Variants in ATP8B1 observed in about 807,000 individuals in gnomAD.
ATP8B1 encodes ATPase phospholipid transporting 8B1.
A neutral mutation model predicts 149.9 loss-of-function variants in ATP8B1; 80 were observed. The observed-to-expected ratio is 0.53, with a 90% CI of 0.45 to 0.64. The LOEUF (loss-of-function observed/expected upper bound fraction) is 0.64, where lower values mean the gene tolerates loss of function less well. Ranked by LOEUF, ATP8B1 falls within the 30% of genes least tolerant of loss-of-function variation. ATP8B1 has a pLI of 0.00. For synonymous variants in ATP8B1, 536 were observed against 562.8 expected (o/e 0.95, Z 0.67); for missense variants, 1,247 against 1,552.6 (o/e 0.80, Z 3.31).
intron 24 of ATP8B1, among the ~76,000 whole-genome samples, chr18:57,653,301 T>TC (rs1374022168): frequency 7.0e-6 from 1 of 143,714 alleles, no homozygotes; most frequent in Non-Finnish European, 1.5e-5. Flanking sequence ...TTTTTTTTTT[T>TC]GGAGACAGGG....
intron 1 of ATP8B1, among the ~76,000 whole-genome samples, chr18:57,768,203 T>C (rs1002832625): frequency 1.3e-5 from 2 of 151,732 alleles, no homozygotes; most frequent in Non-Finnish European, 1.5e-5. Flanking sequence ...CTTGCCAACA[T>C]AGTGAAACCC....
intron 3 of ATP8B1, 104 bp from the exon 4 acceptor site, chr18:57,704,772 A>T: frequency 1.3e-6 from 1 of 767,336 alleles, no homozygotes; most frequent in Non-Finnish European, 2.3e-6. Flanking sequence ...ACAAAGGAAC[A>T]TCATCTGTCA....
At chr18:57,674,803 G>A (rs762997683) in intron 16 of ATP8B1, 31 bp downstream of exon 16, 14 of 1,609,462 alleles carry the variant, frequency 8.7e-6, no homozygotes, top group South Asian at 7.7e-5. Flanking sequence ...CTAAATGAGC[G>A]ATTCATAGAC....
intron 22 of ATP8B1, among the ~76,000 whole-genome samples, chr18:57,657,595 AAACAG>A (rs1910091579): frequency 1.3e-5 from 2 of 152,216 alleles, no homozygotes; most frequent in Non-Finnish European, 2.9e-5. Context: ...ACTTCTAAAA[AAACAG>A]AACAAACTGC....
chr18:57,763,289 G>A (rs2080173965), intron 1 of ATP8B1, among the ~76,000 whole-genome samples: 1 of 152,214 alleles, frequency 6.6e-6, no homozygotes, highest in South Asian at 2.1e-4. Context: ...CTACTAGGGA[G>A]GCTAAGGCAG....
In ATP8B1 at chr18:57,781,584, G is replaced by A. The variant is rs532541151; in HGVS notation, c.-26+21414C>T. On this transcript the variant is annotated intron_variant, in intron 1 of 27. Coordinates refer to ENST00000648908, the MANE Select transcript of ATP8B1 (RefSeq NM_001374385.1). ...AATTAATATATTCATTAATTGATCAGTTATTGAATGCCTACTAGGTTGTGG... is the reference window on the plus strand; with the variant it reads ...AATTAATATATTCATTAATTGATCAATTATTGAATGCCTACTAGGTTGTGG... Among the ~76,000 whole-genome samples the A allele has an allele frequency of 1.4e-4, 21 of 152,298 alleles. No homozygotes were observed. In the South Asian group the frequency reaches 3.9e-3, roughly 29 times the overall value.
intron 22 of ATP8B1, among the ~76,000 whole-genome samples, chr18:57,660,705 G>A (rs1029586252): frequency 6.6e-6 from 1 of 152,066 alleles, no homozygotes; most frequent in Non-Finnish European, 1.5e-5. Flanking sequence ...TTTTAATAGA[G>A]ACGGGGTTTC....
At chr18:57,787,407 G>A (rs578176259) in intron 1 of ATP8B1, among the ~76,000 whole-genome samples, 2 of 134,686 alleles carry the variant, frequency 1.5e-5, no homozygotes, top group African/African-American at 2.5e-5. Flanking sequence ...AGAGCACTGC[G>A]GGAGGAGCTC....
rs1458825808 is a variant in ATP8B1 at position 57,784,478 on chromosome 18, G to A, written c.-26+18520C>T. Among the ~76,000 whole-genome samples the A allele has an allele frequency of 2.0e-5, 3 of 152,142 alleles. No homozygotes were observed. Among genetic ancestry groups the A allele is most frequent in the African/African-American group, 4.8e-5 (2 of 41,434 alleles). ...CAGGTGGAGTCAAGGTCTTCCAGAG[G>A]TAGAAGCAACAGGCCTTGGAGACGG... On this transcript the variant is annotated intron_variant, in intron 1 of 27. Coordinates refer to ENST00000648908, the MANE Select transcript of ATP8B1 (RefSeq NM_001374385.1). This position sits in a 1 kb window ranked among gnomAD's most constrained non-coding sequence, Gnocchi z 4.4.
At chr18:57,775,141 C>T (rs991248057) in intron 1 of ATP8B1, among the ~76,000 whole-genome samples, 3 of 152,042 alleles carry the variant, frequency 2.0e-5, no homozygotes, top group Non-Finnish European at 4.4e-5. Context: ...ATGGTGAAAC[C>T]CCGTCTCTAC....
intron 1 of ATP8B1, among the ~76,000 whole-genome samples, chr18:57,756,305 A>ATACATATATATATATATATG (rs1555653785): frequency 1.1e-4 from 12 of 106,130 alleles, no homozygotes; most frequent in African/African-American, 5.0e-4. Context: ...GTGTATGTAT[A>ATACATATATATATATATATG]TATATATATA....
At chr18:57,688,558 A>G in intron 12 of ATP8B1, 51 bp from the exon 13 acceptor site, 1 of 1,564,566 alleles carries the variant, frequency 6.4e-7, no homozygotes, top group Non-Finnish European at 8.8e-7. Flanking sequence ...ACGAGTGGCA[A>G]GTAGTAGAGA....
chr18:57,674,241 C>CAAAAAAAAAAAAAAAA, intron 16 of ATP8B1, among the ~76,000 whole-genome samples: 1 of 82,614 alleles, frequency 1.2e-5, no homozygotes, highest in East Asian at 3.6e-4. Flanking sequence ...GACTCCATCT[C>CAAAAAAAAAAAAAAAA]AAAAAAAAAA....
intron 1 of ATP8B1, among the ~76,000 whole-genome samples, chr18:57,757,910 T>C (rs1176157142): frequency 6.6e-6 from 1 of 152,172 alleles, no homozygotes; most frequent in African/African-American, 2.4e-5. Flanking sequence ...TTCACTGTGG[T>C]TATGGAATTC....
chr18:57,760,588 T>A (rs1365027669), intron 1 of ATP8B1, among the ~76,000 whole-genome samples: 2 of 152,248 alleles, frequency 1.3e-5, no homozygotes, highest in Non-Finnish European at 2.9e-5. Context: ...CCGAATCTCC[T>A]GCAACCTCTT....
intron 16 of ATP8B1, 151 bp from the exon 17 acceptor site, chr18:57,671,731 TCC>T: frequency 1.6e-6 from 1 of 643,312 alleles, no homozygotes; most frequent in Non-Finnish European, 2.8e-6. Flanking sequence ...CAAGCAATCC[TCC>T]CATCTCAGCC....
chr18:57,680,443 G>T (rs1911888663), intron 15 of ATP8B1, among the ~76,000 whole-genome samples: 1 of 151,120 alleles, frequency 6.6e-6, no homozygotes, highest in African/African-American at 2.4e-5. Flanking sequence ...AAATTAGCTG[G>T]GTGTGGTGGG....
At chr18:57,679,682 T>C (rs975843568) in intron 15 of ATP8B1, among the ~76,000 whole-genome samples, 1 of 152,144 alleles carries the variant, frequency 6.6e-6, no homozygotes, top group African/African-American at 2.4e-5. Context: ...AATTTCTTTT[T>C]GAGATGGAGT....
intron 1 of ATP8B1, among the ~76,000 whole-genome samples, chr18:57,801,447 T>A (rs1021490467): frequency 2.6e-5 from 4 of 152,212 alleles, no homozygotes; most frequent in Admixed American, 1.3e-4. Context: ...GTGCACAGTC[T>A]GCGCATTTAT....
Sources: gnomAD v4.1 joint callset for allele counts (sites outside exome capture counted in the v4.1 genomes callset) on GRCh38, gnomAD v4.1.1 for gene constraint, Gnocchi (gnomAD v3.1) non-coding constraint, MANE v1.5 for transcripts, NCBI Gene and HGNC (gene_info 2026-07-23, HGNC 2026-07-21) for gene names.